The following RBFOX1 variants were observed in gnomAD, a reference collection of about 807,000 sequenced individuals.
The protein encoded by RBFOX1 is RNA binding protein fox-1 homolog 1.
A neutral mutation model predicts 57.7 loss-of-function variants in RBFOX1; 8 were observed. The ratio of observed to expected loss-of-function variants is 0.14; its 90% CI spans 0.08 to 0.25. The LOEUF is 0.25. RBFOX1 is among the 10% of genes least tolerant of loss of function. The pLI is 1.00. For synonymous variants in RBFOX1, 326 were observed against 222.4 expected (o/e 1.47, Z -4.15); for missense variants, 611 against 548.5 (o/e 1.11, Z -1.14).
intron 3 of RBFOX1, among the ~76,000 whole-genome samples, chr16:5,719,038 A>G (rs1033723455): frequency 5.3e-5 from 8 of 152,262 alleles, no homozygotes; most frequent in East Asian, 3.9e-4. Context: ...GATCATGTGT[A>G]TAAGTGACTG....
intron 4 of RBFOX1, among the ~76,000 whole-genome samples, chr16:7,293,025 T>G (rs1453707277): frequency 6.6e-6 from 1 of 152,082 alleles, no homozygotes; most frequent in Non-Finnish European, 1.5e-5. Context: ...GCAGAGAAAG[T>G]CTGGAACCAA....
rs147172441 is a variant in RBFOX1, at chr16:5,908,293, T to C, written c.351+40958T>C. Among the ~76,000 whole-genome samples, 655 of 73,814 alleles carry C rather than the reference T, an allele frequency of 8.9e-3. 23 individuals are homozygous for C. Among genetic ancestry groups the C allele is most frequent in the African/African-American group, 0.024 (607 of 25,354 alleles). 48.4% of individuals were successfully genotyped at this position (73,814 alleles called of 152,430 possible). On this transcript the variant is annotated intron_variant, in intron 4 of 19. Transcript: ENST00000641259. ...ATATATACATACATATATATACACATATATATATACACACATATATACACA... is the reference window on the plus strand; with the variant it reads ...ATATATACATACATATATATACACACATATATATACACACATATATACACA...
At chr16:6,100,285 C>G (rs1050026754) in intron 1 of RBFOX1, among the ~76,000 whole-genome samples, 1 of 152,234 alleles carries the variant, frequency 6.6e-6, no homozygotes, top group South Asian at 2.1e-4. Context: ...GCCTCAGCCT[C>G]CCGAGGAGCT....
intron 1 of RBFOX1, among the ~76,000 whole-genome samples, chr16:5,425,003 CTTTTCT>C (rs2067502216): frequency 1.5e-5 from 1 of 66,606 alleles, no homozygotes; most frequent in Non-Finnish European, 3.4e-5. Flanking sequence ...CTTTTCTTTT[CTTTTCT>C]TTTCTTTCTT....
intron 3 of RBFOX1, among the ~76,000 whole-genome samples, chr16:7,042,981 T>C (rs1253495857): frequency 6.6e-6 from 1 of 152,294 alleles, no homozygotes; most frequent in East Asian, 1.9e-4. Context: ...GCAGCATAGT[T>C]AAAATTGAGC....
chr16:6,123,466 C>A (rs1008626869), intron 1 of RBFOX1, among the ~76,000 whole-genome samples: 3 of 152,048 alleles, frequency 2.0e-5, no homozygotes, highest in Admixed American at 6.6e-5. Context: ...TACTTAGAAA[C>A]TGAAAGTAGA....
chr16:6,980,058 T>TA (rs1316786001), intron 3 of RBFOX1, among the ~76,000 whole-genome samples: 1 of 152,198 alleles, frequency 6.6e-6, no homozygotes, highest in East Asian at 1.9e-4. Context: ...ACTGGATATA[T>TA]AACCGCATGG....
chr16:7,631,254 G>A (rs1354493937), intron 11 of RBFOX1, among the ~76,000 whole-genome samples: 2 of 152,148 alleles, frequency 1.3e-5, no homozygotes, highest in South Asian at 2.1e-4. Context: ...TTAAATAACT[G>A]TCTTTTAAAA....
At chr16:6,825,164 G>A (rs1364125488) in intron 3 of RBFOX1, among the ~76,000 whole-genome samples, 1 of 150,542 alleles carries the variant, frequency 6.6e-6, no homozygotes, top group African/African-American at 2.4e-5. Flanking sequence ...CCTTGGCGTT[G>A]CTGGTCAGAT....
intron 3 of RBFOX1, among the ~76,000 whole-genome samples, chr16:5,823,512 G>A (rs75262170): frequency 0.12 from 18,475 of 152,132 alleles, 1,380 homozygotes; most frequent in Non-Finnish European, 0.16. Context: ...CCAGGCCACG[G>A]ACTGCTACCA....
intron 1 of RBFOX1, among the ~76,000 whole-genome samples, chr16:5,378,649 G>A (rs2066052299): frequency 6.6e-6 from 1 of 151,418 alleles, no homozygotes; most frequent in Admixed American, 6.6e-5. Flanking sequence ...TGGGATGGTT[G>A]GTCACACTGC....
At chr16:7,408,244 GA>G (rs1333619353) in intron 4 of RBFOX1, among the ~76,000 whole-genome samples, 1 of 152,140 alleles carries the variant, frequency 6.6e-6, no homozygotes. Flanking sequence ...AAATCATTTA[GA>G]TTTTTTTTTC....
intron 4 of RBFOX1, among the ~76,000 whole-genome samples, chr16:5,883,988 A>G (rs928462788): frequency 6.6e-6 from 1 of 152,214 alleles, no homozygotes; most frequent in Non-Finnish European, 1.5e-5. Flanking sequence ...CTGAGATCCC[A>G]TTGACTTGGA....
chr16:5,765,298 C>G (rs9937971), intron 3 of RBFOX1, among the ~76,000 whole-genome samples: 47 of 152,074 alleles, frequency 3.1e-4, no homozygotes, highest in African/African-American at 1.1e-3. Flanking sequence ...TAAGACAACA[C>G]TGTGGTTTAT....
At chr16:7,642,339 G>A (rs998977918) in intron 11 of RBFOX1, among the ~76,000 whole-genome samples, 1 of 152,084 alleles carries the variant, frequency 6.6e-6, no homozygotes, top group African/African-American at 2.4e-5. Context: ...TCTGAAAGCT[G>A]ATGCTCAAAA....
chr16:5,817,384 C>T (rs7195375), intron 3 of RBFOX1, among the ~76,000 whole-genome samples: 101,847 of 152,064 alleles, frequency 0.67, 34,299 homozygotes, highest in South Asian at 0.7. Flanking sequence ...ATATCCCATT[C>T]GTGGTTGGAG....
At position 7,543,667 on chromosome 16, in the gene RBFOX1, CTGTGTGTGTGTGTGTGTGTG is replaced by C. The variant is rs71150310; in HGVS notation, c.270+25312_270+25331del. ...GAGTCTGCACCATGCTGGGCAGTAT[CTGTGTGTGTGTGTGTGTGTG>C]TGTGTGTGTGTGTGTGTGTGTGTGT... On this transcript the variant is annotated intron_variant, in intron 5 of 15. Coordinates refer to ENST00000550418, the MANE Select transcript of RBFOX1 (RefSeq NM_018723.4). Among the ~76,000 whole-genome samples the C allele has an allele frequency of 1.9e-3, 262 of 141,504 alleles. 8 individuals are homozygous for C. The South Asian group carries it at 0.042, about 22-fold the overall frequency. The allele number at this position is 141,504 out of a possible 152,430, so 92.8% of individuals were successfully genotyped here.
chr16:5,818,091 A>G (rs9928944), intron 3 of RBFOX1, among the ~76,000 whole-genome samples: 2,173 of 152,240 alleles, frequency 0.014, 49 homozygotes, highest in African/African-American at 0.048. Context: ...ATATTCAATA[A>G]CTTTATCCCC....
chr16:6,654,514 G>T, intron 2 of RBFOX1, 89 bp from the exon 3 acceptor site: 4 of 1,004,982 alleles, frequency 4.0e-6, no homozygotes, highest in Non-Finnish European at 5.7e-6. Flanking sequence ...ATTTTAAAGG[G>T]CATTTCAACA....
Sources: allele counts gnomAD v4.1 joint callset (sites outside exome capture counted in the v4.1 genomes callset), GRCh38; gene constraint gnomAD v4.1.1; transcripts MANE v1.5; gene names NCBI Gene and HGNC (gene_info 2026-07-23, HGNC 2026-07-21).